Variants in HIRA observed in about 807,000 individuals in gnomAD.
HIRA encodes the protein histone cell cycle regulator, also known as protein HIRA.
A neutral mutation model predicts 126.6 loss-of-function variants in HIRA; 13 were observed. The ratio of observed to expected loss-of-function variants is 0.10; its 90% CI spans 0.07 to 0.16. The LOEUF (loss-of-function observed/expected upper bound fraction) is 0.16. Ranked by LOEUF, HIRA falls within the 10% of genes least tolerant of loss-of-function variation. The probability of loss-of-function intolerance (pLI) is 1.00; values close to 1 mark genes in which losing one functional copy is unlikely to be tolerated. For synonymous variants in HIRA, 511 were observed against 520.0 expected, an observed-to-expected ratio of 0.98 and a Z score of 0.24; for missense variants, 834 against 1,314.4, an observed-to-expected ratio of 0.63 and a Z score of 5.65.
At chr22:19,398,843 C>G (rs2089244494) in intron 5 of HIRA, among the ~76,000 whole-genome samples, 1 of 152,036 alleles carries the variant, frequency 6.6e-6, no homozygotes, top group Non-Finnish European at 1.5e-5. Context: ...GTAGCACATG[C>G]CTGTATCCCC....
intron 9 of HIRA, among the ~76,000 whole-genome samples, chr22:19,390,601 C>CAAAAAAAAAAAAAAAAAAAAAAAAAAAAA (rs575050947): frequency 1.0e-4 from 4 of 38,340 alleles, no homozygotes; most frequent in African/African-American, 3.5e-4. Context: ...GACTCTGTCT[C>CAAAAAAAAAAAAAAAAAAAAAAAAAAAAA]AAAAAAAAAA....
At chr22:19,417,998 T>C (rs1319107050) in intron 1 of HIRA, among the ~76,000 whole-genome samples, 1 of 152,178 alleles carries the variant, frequency 6.6e-6, no homozygotes, top group African/African-American at 2.4e-5. Flanking sequence ...AAGACAAATG[T>C]CATAGGATTC....
intron 9 of HIRA, among the ~76,000 whole-genome samples, chr22:19,390,367 C>A (rs915828655): frequency 6.6e-6 from 1 of 151,786 alleles, no homozygotes; most frequent in Non-Finnish European, 1.5e-5. Flanking sequence ...CCAAGGCGGG[C>A]GGATCACCTG....
chr22:19,360,102 G>T (rs1308323184), intron 17 of HIRA, among the ~76,000 whole-genome samples: 1 of 152,140 alleles, frequency 6.6e-6, no homozygotes, highest in Non-Finnish European at 1.5e-5. Flanking sequence ...CGCGTGTGTG[G>T]GGAGCTGACC....
chr22:19,340,911 G>A (rs2088620420), intron 24 of HIRA, among the ~76,000 whole-genome samples: 1 of 152,102 alleles, frequency 6.6e-6, no homozygotes, highest in Non-Finnish European at 1.5e-5. Flanking sequence ...CTCATGGTAG[G>A]TAAAATTAAA....
intron 7 of HIRA, among the ~76,000 whole-genome samples, chr22:19,396,480 C>A (rs1420562552): frequency 6.6e-6 from 1 of 152,240 alleles, no homozygotes; most frequent in East Asian, 1.9e-4. Flanking sequence ...CGTGCCACTG[C>A]ACTCTAGCCT....
intron 24 of HIRA, among the ~76,000 whole-genome samples, chr22:19,331,803 G>A (rs1203449677): frequency 3.3e-5 from 5 of 152,214 alleles, no homozygotes; most frequent in African/African-American, 4.8e-5. Context: ...TCCTCCATCC[G>A]TGGGCACAGC....
chr22:19,370,394 C>T (rs920387086), intron 15 of HIRA, among the ~76,000 whole-genome samples: 1 of 152,128 alleles, frequency 6.6e-6, no homozygotes, highest in South Asian at 2.1e-4. Context: ...CAGGCACGCA[C>T]CACCATGCCC....
At chr22:19,392,509 G>A (rs747096046) in intron 8 of HIRA, among the ~76,000 whole-genome samples, 42 of 152,222 alleles carry the variant, frequency 2.8e-4, no homozygotes, top group Non-Finnish European at 4.7e-4. Context: ...GAAGGGATGC[G>A]TAGCTACTGA....
At chr22:19,343,136 G>A (rs1423935211) in intron 24 of HIRA, among the ~76,000 whole-genome samples, 4 of 151,992 alleles carry the variant, frequency 2.6e-5, no homozygotes, top group Non-Finnish European at 5.9e-5. Context: ...CTACACATTG[G>A]GTACAGTGTA....
Position 19,331,034 on chromosome 22 carries a change from T to C in HIRA, c.*406A>G, listed in dbSNP as rs1400509653. On this transcript the variant is annotated 3_prime_UTR_variant, in exon 25 of 25. Transcript: ENST00000263208. ...ACATAGGTCTTAGGTCAGTCTGCTG[T>C]AATACCTAACGCTTCCGGATTCTCT... is the stretch of plus-strand genomic sequence containing the variant. 70 of 752,910 alleles carry C rather than the reference T, an allele frequency of 9.3e-5. No individual in the cohort carries two copies. The highest frequency in any genetic ancestry group is 1.2e-4 in the Non-Finnish European group (67 of 543,434). 46.6% of individuals were successfully genotyped at this position (752,910 alleles called of 1,614,324 possible). A position where few individuals can be genotyped will look rare whatever the true frequency, so the allele number is the denominator to read the frequency against.
intron 24 of HIRA, among the ~76,000 whole-genome samples, chr22:19,346,539 G>C (rs1043885015): frequency 1.3e-5 from 2 of 152,224 alleles, no homozygotes; most frequent in Admixed American, 6.5e-5. Flanking sequence ...CTATGTCTAC[G>C]TCTGCTCTAA....
chr22:19,392,241 A>G, intron 8 of HIRA, 27 bp from the exon 9 acceptor site: 1 of 1,433,954 alleles, frequency 7.0e-7, no homozygotes, highest in South Asian at 1.2e-5. Flanking sequence ...GATGTTAAAA[A>G]TAATTAATCA....
chr22:19,371,586 A>C (rs1487987775), intron 15 of HIRA, among the ~76,000 whole-genome samples: 1 of 151,846 alleles, frequency 6.6e-6, no homozygotes, highest in Non-Finnish European at 1.5e-5. Flanking sequence ...GAACATTTTC[A>C]TAATTCCAAA....
At chr22:19,379,008 G>A (rs2089044362) in intron 13 of HIRA, among the ~76,000 whole-genome samples, 1 of 151,620 alleles carries the variant, frequency 6.6e-6, no homozygotes, top group Non-Finnish European at 1.5e-5. Flanking sequence ...ATTTTGATAT[G>A]AGTGACGTTG....
Position 19,331,268 on chromosome 22 carries a change from G to T in HIRA, c.*172C>A. The T allele has an allele frequency of 6.5e-7, 1 of 1,541,892 alleles. No individual in the cohort carries two copies. Among genetic ancestry groups the T allele is most frequent in the Non-Finnish European group, 8.7e-7 (1 of 1,148,854 alleles). On this transcript the variant is annotated 3_prime_UTR_variant, in exon 25 of 25. Transcript: ENST00000263208. ...CCCTCCTGAGGCAATGTCAGACCCA[G>T]GACACAGGGCACATCTGCCCAGGGA... is the stretch of plus-strand genomic sequence containing the variant.
chr22:19,335,927 T>C (rs2088562598), intron 24 of HIRA, among the ~76,000 whole-genome samples: 2 of 152,240 alleles, frequency 1.3e-5, no homozygotes, highest in South Asian at 4.1e-4. Flanking sequence ...TTAGAAACGG[T>C]TGGCGTCTTT....
chr22:19,342,876 G>A (rs1346306648), intron 24 of HIRA, among the ~76,000 whole-genome samples: 1 of 152,186 alleles, frequency 6.6e-6, no homozygotes, highest in Non-Finnish European at 1.5e-5. Context: ...AGTGGATAAA[G>A]AAAATGTGGT....
At position 19,406,430 on chromosome 22, in the gene HIRA, G is replaced by A. The variant is rs138296488; in HGVS notation, c.303-550C>T. The stretch of plus-strand genomic sequence containing the variant: ...TTGACATCTGAGGCAGAGAAACCAC[G>A]CGATCTATAGGTACTAGCCCCCACC... On this transcript the variant is annotated intron_variant, in intron 4 of 24. Coordinates refer to ENST00000263208, the MANE Select transcript of HIRA (RefSeq NM_003325.4). Among the ~76,000 whole-genome samples, 91 of 152,236 alleles carry A rather than the reference G, an allele frequency of 6.0e-4. No individual in the cohort carries two copies. The South Asian group carries it at 6.4e-3, about 11-fold the overall frequency.
Sources: gnomAD v4.1 joint callset for allele counts (sites outside exome capture counted in the v4.1 genomes callset) on GRCh38, gnomAD v4.1.1 for gene constraint, MANE v1.5 for transcripts, NCBI Gene and HGNC (gene_info 2026-07-23, HGNC 2026-07-21) for gene names.